The following SLC1A2 variants were observed in gnomAD, a reference collection of about 807,000 sequenced individuals.
The protein encoded by SLC1A2 is excitatory amino acid transporter 2.
SLC1A2 carries 15 observed loss-of-function variants against 48.8 expected under a neutral mutation model. The observed-to-expected ratio is 0.31, with a 90% CI of 0.21 to 0.47. SLC1A2 has a LOEUF of 0.47. SLC1A2 is among the 20% of genes least tolerant of loss of function. SLC1A2 has a pLI of 0.99. For synonymous variants in SLC1A2, 279 were observed against 272.6 expected, an observed-to-expected ratio of 1.02 and a Z score of -0.23; for missense variants, 502 against 730.5, an observed-to-expected ratio of 0.69 and a Z score of 3.61.
intron 3 of SLC1A2, among the ~76,000 whole-genome samples, chr11:35,314,639 C>T (rs746239111): frequency 3.3e-5 from 5 of 150,998 alleles, no homozygotes; most frequent in African/African-American, 7.3e-5. Flanking sequence ...CTTGAACCCA[C>T]GAGGCACAGG....
At chr11:35,270,021 C>T (rs1489173409) in intron 9 of SLC1A2, among the ~76,000 whole-genome samples, 1 of 152,110 alleles carries the variant, frequency 6.6e-6, no homozygotes, top group East Asian at 1.9e-4. Flanking sequence ...ATAGGAGAAT[C>T]GTTTGAGCCC....
intron 9 of SLC1A2, among the ~76,000 whole-genome samples, chr11:35,279,453 C>T (rs1201188151): frequency 1.3e-5 from 2 of 152,226 alleles, no homozygotes; most frequent in Admixed American, 6.5e-5. Flanking sequence ...CCGTCTTGCT[C>T]ACCTTTCACC....
At chr11:35,270,270 AC>A (rs1183465054) in intron 9 of SLC1A2, among the ~76,000 whole-genome samples, 1 of 152,138 alleles carries the variant, frequency 6.6e-6, no homozygotes, top group Non-Finnish European at 1.5e-5. Flanking sequence ...ATAACTTTTC[AC>A]CTGAGCAAGG....
intron 1 of SLC1A2, among the ~76,000 whole-genome samples, chr11:35,325,964 C>A (rs1362718085): frequency 4.8e-3 from 462 of 95,948 alleles, no homozygotes; most frequent in Non-Finnish European, 5.5e-3. Context: ...AATTCTATCT[C>A]AAAAAAAAAA....
chr11:35,411,490 G>A (rs1923290), intron 1 of SLC1A2, among the ~76,000 whole-genome samples: 104,204 of 151,488 alleles, frequency 0.69, 36,368 homozygotes, highest in African/African-American at 0.8. Flanking sequence ...GCCCAGGTTG[G>A]AGTGCAGTGG....
At chr11:35,333,640 T>A (rs1852508114) in intron 1 of SLC1A2, among the ~76,000 whole-genome samples, 1 of 151,882 alleles carries the variant, frequency 6.6e-6, no homozygotes, top group South Asian at 2.1e-4. Context: ...TAAGATATTG[T>A]TAATCATGTA....
intron 10 of SLC1A2, among the ~76,000 whole-genome samples, chr11:35,264,477 G>A (rs1950447231): frequency 6.6e-6 from 1 of 152,306 alleles, no homozygotes; most frequent in African/African-American, 2.4e-5. Flanking sequence ...CTGCTCACCT[G>A]CCAGGGTTTC....
chr11:35,262,967 C>G (rs1950416562), intron 10 of SLC1A2, among the ~76,000 whole-genome samples: 1 of 152,074 alleles, frequency 6.6e-6, no homozygotes, highest in South Asian at 2.1e-4. Context: ...AAAAAGGTTA[C>G]CTAAAACACA....
chr11:35,360,022 A>G, intron 1 of SLC1A2: 1 of 939,132 alleles, frequency 1.1e-6, no homozygotes, highest in Non-Finnish European at 1.3e-6. Context: ...ACCCACCCTT[A>G]ACCCATCCAA....
chr11:35,312,701 T>G (rs925956462), intron 3 of SLC1A2, among the ~76,000 whole-genome samples: 5 of 152,266 alleles, frequency 3.3e-5, no homozygotes, highest in Admixed American at 3.3e-4. Flanking sequence ...CACATCCTCC[T>G]GTCTACTTTA....
intron 1 of SLC1A2, among the ~76,000 whole-genome samples, chr11:35,397,281 C>T (rs958901312): frequency 6.8e-6 from 1 of 147,314 alleles, no homozygotes. Context: ...TCAAACTATA[C>T]TACAAGGCTA....
Position 35,265,454 on chromosome 11 carries a change from T to G in SLC1A2, c.1653+73A>C, listed in dbSNP as rs1488283104. ...CAATAATACATGCAGGGCTTTACGG[T>G]TTTTTTTTTTTTAAAGAAATCAAGC... is the stretch of plus-strand genomic sequence containing the variant. On this transcript the variant is annotated intron_variant, in intron 10 of 10. Coordinates refer to ENST00000278379, the MANE Select transcript of SLC1A2 (RefSeq NM_004171.4). 10 of 445,404 alleles carry G rather than the reference T, an allele frequency of 2.2e-5. No individual in the cohort carries two copies. In the Admixed American group the frequency reaches 3.2e-4, roughly 14 times the overall value. The allele number at this position is 445,404 out of a possible 1,614,324, so 27.6% of individuals were successfully genotyped here.
chr11:35,316,529 T>A (rs1174292557), intron 2 of SLC1A2: 1 of 152,190 alleles, frequency 6.6e-6, no homozygotes, highest in Non-Finnish European at 1.5e-5. Flanking sequence ...CCAGTCCTGA[T>A]CCTGGGCCAC....
intron 9 of SLC1A2, among the ~76,000 whole-genome samples, chr11:35,280,095 C>T (rs1850576432): frequency 6.6e-6 from 1 of 152,216 alleles, no homozygotes; most frequent in Admixed American, 6.5e-5. Flanking sequence ...CCAAAGGTTT[C>T]CTTGTGTTCC....
At chr11:35,360,090 A>C (rs1853622720) in intron 1 of SLC1A2, 2 of 985,324 alleles carry the variant, frequency 2.0e-6, no homozygotes, top group Non-Finnish European at 2.4e-6. Flanking sequence ...GTAGTGCTGG[A>C]GTGAGCTGTG....
At chr11:35,400,699 T>A (rs1046323538) in intron 1 of SLC1A2, among the ~76,000 whole-genome samples, 6 of 152,246 alleles carry the variant, frequency 3.9e-5, no homozygotes, top group African/African-American at 1.4e-4. Flanking sequence ...GATAACTTTT[T>A]TTTAAGTCTA....
At chr11:35,413,212 G>A (rs913971492) in intron 1 of SLC1A2, among the ~76,000 whole-genome samples, 1 of 152,200 alleles carries the variant, frequency 6.6e-6, no homozygotes, top group African/African-American at 2.4e-5. Flanking sequence ...CCTATCTCAG[G>A]AGATGGCCAT....
At chr11:35,381,786 C>T (rs547500514) in intron 1 of SLC1A2, among the ~76,000 whole-genome samples, 3 of 152,258 alleles carry the variant, frequency 2.0e-5, no homozygotes, top group South Asian at 2.1e-4. Context: ...AAGGGGAGTA[C>T]GTATTTCTTG....
Position 35,415,152 on chromosome 11 carries a change from T to C in SLC1A2, c.17+3798A>G, listed in dbSNP as rs141702964. ...TTTTTTGCAGCTGAAGCATCATCACTTAAGGACTTTTCCTTGTCTGACACA... is the reference window on the plus strand; with the variant it reads ...TTTTTTGCAGCTGAAGCATCATCACCTAAGGACTTTTCCTTGTCTGACACA... On this transcript the variant is annotated intron_variant, in intron 1 of 10. Transcript: ENST00000278379. Among the ~76,000 whole-genome samples the C allele has an allele frequency of 7.2e-4, 109 of 152,336 alleles. 1 individual carries two copies. In the East Asian group the frequency reaches 7.9e-3, roughly 11 times the overall value.
Sources: gnomAD v4.1 joint callset for allele counts (sites outside exome capture counted in the v4.1 genomes callset) on GRCh38, gnomAD v4.1.1 for gene constraint, MANE v1.5 for transcripts, NCBI Gene and HGNC (gene_info 2026-07-23, HGNC 2026-07-21) for gene names.